C4orf51: variants seen among roughly 807,000 people sequenced by gnomAD.
The protein encoded by C4orf51 is uncharacterized protein C4orf51.
C4orf51 carries 25 observed loss-of-function variants against 25.2 expected under a neutral mutation model. The observed-to-expected ratio is 0.99, with a 90% CI of 0.72 to 1.39. The LOEUF (loss-of-function observed/expected upper bound fraction) is 1.39. Ranked by LOEUF, C4orf51 falls within the 40% of genes most tolerant of loss-of-function variation. The probability of loss-of-function intolerance (pLI) is 0.00; values close to 1 mark genes in which losing one functional copy is unlikely to be tolerated. For synonymous variants in C4orf51, 100 were observed against 84.5 expected, an observed-to-expected ratio of 1.18 and a Z score of -1.01; for missense variants, 252 against 239.6, an observed-to-expected ratio of 1.05 and a Z score of -0.34.
At chr4:145,703,495 C>T (rs544625368) in intron 2 of C4orf51, among the ~76,000 whole-genome samples, 9 of 152,284 alleles carry the variant, frequency 5.9e-5, no homozygotes, top group South Asian at 2.1e-4. Flanking sequence ...TTCACACGGA[C>T]GCGCATGAAA....
chr4:145,710,809 G>A (rs1336044289), intron 2 of C4orf51, among the ~76,000 whole-genome samples: 1 of 151,932 alleles, frequency 6.6e-6, no homozygotes, highest in African/African-American at 2.4e-5. Context: ...TGTGGGGTGG[G>A]GGTAGGGAGC....
chr4:145,687,414 G>A (rs1049162252), intron 1 of C4orf51, among the ~76,000 whole-genome samples: 1 of 152,176 alleles, frequency 6.6e-6, no homozygotes, highest in African/African-American at 2.4e-5. Flanking sequence ...ACTTCCTGAG[G>A]CTGTGTCATA....
At chr4:145,702,746 TA>T (rs1322723307) in intron 2 of C4orf51, among the ~76,000 whole-genome samples, 2 of 152,216 alleles carry the variant, frequency 1.3e-5, no homozygotes, top group African/African-American at 4.8e-5. Context: ...TTAGACCTTT[TA>T]TACCTGTTTT....
At chr4:145,764,897 C>A in intron 1 of C4orf51, 1 of 1,589,162 alleles carries the variant, frequency 6.3e-7, no homozygotes, top group Non-Finnish European at 8.6e-7. Context: ...CTCCATGACT[C>A]CCAAAACCTT....
At chr4:145,703,261 G>C (rs1445888986) in intron 2 of C4orf51, among the ~76,000 whole-genome samples, 1 of 151,636 alleles carries the variant, frequency 6.6e-6, no homozygotes, top group Non-Finnish European at 1.5e-5. Context: ...TCCTTTTCCT[G>C]GCTCATCCTG....
At chr4:145,691,998 T>C (rs963751155) in intron 1 of C4orf51, among the ~76,000 whole-genome samples, 2 of 152,226 alleles carry the variant, frequency 1.3e-5, no homozygotes, top group Non-Finnish European at 2.9e-5. Context: ...TAAGTTGATA[T>C]TGCTCTTTAG....
At chr4:145,688,219 A>C (rs2126662924) in intron 1 of C4orf51, among the ~76,000 whole-genome samples, 1 of 149,756 alleles carries the variant, frequency 6.7e-6, no homozygotes, top group African/African-American at 2.5e-5. Context: ...AAAAAAAAAA[A>C]AGCACCTACA....
the C4orf51 span, among the ~76,000 whole-genome samples, chr4:145,783,438 A>G: frequency 2.0e-5 from 3 of 152,214 alleles, no homozygotes; most frequent in African/African-American, 7.2e-5. Context: ...TCATGATTCT[A>G]TTAGTGGAAA....
chr4:145,708,647 T>C lies in C4orf51; in HGVS notation c.307+12015T>C, dbSNP rs373390027. Among the ~76,000 whole-genome samples, 4 of 152,306 alleles carry C rather than the reference T, an allele frequency of 2.6e-5. No homozygotes were observed. The East Asian group carries it at 5.8e-4, about 22-fold the overall frequency. On this transcript the variant is annotated intron_variant, in intron 2 of 5. Coordinates refer to ENST00000438731, the MANE Select transcript of C4orf51 (RefSeq NM_001080531.3). Reference sequence around the variant, plus strand: ...GAACAGTGGGCTCCTTGTTTATCCTTGGGGTTCCAGAATGAACCAGTCTTA... The same window carrying C: ...GAACAGTGGGCTCCTTGTTTATCCTCGGGGTTCCAGAATGAACCAGTCTTA...
chr4:145,777,714 C>T, the C4orf51 span, among the ~76,000 whole-genome samples: 5 of 152,160 alleles, frequency 3.3e-5, no homozygotes, highest in African/African-American at 7.2e-5. Flanking sequence ...CCATTTCTTT[C>T]TAGACTTTGT....
chr4:145,781,195 C>CAAAAAAAAAAAAAAA, the C4orf51 span, among the ~76,000 whole-genome samples: 24 of 56,536 alleles, frequency 4.2e-4, no homozygotes, highest in East Asian at 1.4e-3. Flanking sequence ...GACACCATCT[C>CAAAAAAAAAAAAAAA]AAAAAAAAAA....
chr4:145,763,761 C>G lies in C4orf51; in HGVS notation n.167-7227C>G, dbSNP rs1367464115. ...TTATAAAGGGACAGTGGGAACAAACCAAATCAAATCCCCAAATAAGCTCTT... is the reference window on the plus strand; with the variant it reads ...TTATAAAGGGACAGTGGGAACAAACGAAATCAAATCCCCAAATAAGCTCTT... On this transcript the variant is annotated intron_variant and non_coding_transcript_variant, in intron 1 of 1. Transcript: ENST00000510096. The surrounding 1 kb of genome is among the most constrained non-coding windows in gnomAD (Gnocchi z 4.6). 6.6e-6 allele frequency among the ~76,000 whole-genome samples: 1 copy of G among 152,156 alleles called. No individual in the cohort carries two copies. The highest frequency in any genetic ancestry group is 1.5e-5 in the Non-Finnish European group (1 of 68,024).
intron 1 of C4orf51, among the ~76,000 whole-genome samples, chr4:145,753,704 T>C (rs188403042): frequency 6.6e-6 from 1 of 152,304 alleles, no homozygotes; most frequent in Admixed American, 6.5e-5. Flanking sequence ...TGCCTTTTGC[T>C]TGGGCTTGAG....
chr4:145,699,910 C>T (rs1008268986), intron 2 of C4orf51, among the ~76,000 whole-genome samples: 7 of 149,094 alleles, frequency 4.7e-5, no homozygotes, highest in East Asian at 2.0e-4. Flanking sequence ...TCACCCTTAG[C>T]GGCAAGTCCC....
intron 1 of C4orf51, among the ~76,000 whole-genome samples, chr4:145,750,818 T>G (rs11734721): frequency 0.41 from 62,569 of 151,866 alleles, 14,134 homozygotes; most frequent in Non-Finnish European, 0.53. Context: ...CTTGTAGGAA[T>G]GTTTAATTCT....
chr4:145,748,177 T>C (rs1020269275), intron 1 of C4orf51, among the ~76,000 whole-genome samples: 2 of 152,162 alleles, frequency 1.3e-5, no homozygotes, highest in Non-Finnish European at 2.9e-5. Flanking sequence ...TACGGGTATC[T>C]AGTTGCTCAT....
intron 1 of C4orf51, among the ~76,000 whole-genome samples, chr4:145,743,833 T>G (rs1733224137): frequency 6.6e-6 from 1 of 152,230 alleles, no homozygotes; most frequent in African/African-American, 2.4e-5. Context: ...TTGCTCAAGC[T>G]GTTCTCTCAA....
chr4:145,727,514 A>G (rs1041757861), intron 3 of C4orf51, among the ~76,000 whole-genome samples: 2 of 152,148 alleles, frequency 1.3e-5, no homozygotes, highest in Admixed American at 1.3e-4. Context: ...GTGTTAATCA[A>G]CATAATTATT....
intron 2 of C4orf51, among the ~76,000 whole-genome samples, chr4:145,721,956 A>G (rs780828821): frequency 6.6e-6 from 1 of 152,140 alleles, no homozygotes; most frequent in African/African-American, 2.4e-5. Flanking sequence ...CTCAAATGTA[A>G]TTTGGGATGC....
Sources: allele counts gnomAD v4.1 joint callset (sites outside exome capture counted in the v4.1 genomes callset), GRCh38; gene constraint gnomAD v4.1.1; non-coding constraint Gnocchi (gnomAD v3.1); transcripts MANE v1.5; gene names NCBI Gene and HGNC (gene_info 2026-07-23, HGNC 2026-07-21).